Variants in ARB2A observed in about 807,000 individuals in gnomAD.
ARB2A encodes cotranscriptional regulator ARB2A.
the ARB2A span, among the ~76,000 whole-genome samples, chr5:93,647,829 T>C: frequency 6.6e-6 from 1 of 152,132 alleles, no homozygotes; most frequent in Admixed American, 6.6e-5. Context: ...AAGTGCAGGA[T>C]CGCATTTTGA....
At chr5:93,897,885 A>C in the ARB2A span, among the ~76,000 whole-genome samples, 1 of 151,906 alleles carries the variant, frequency 6.6e-6, no homozygotes, top group African/African-American at 2.4e-5. Context: ...GGAAGGTCTC[A>C]GAGGGTACCA....
chr5:93,952,388 AGTT>A, the ARB2A span, among the ~76,000 whole-genome samples: 1 of 152,146 alleles, frequency 6.6e-6, no homozygotes, highest in Non-Finnish European at 1.5e-5. Flanking sequence ...TGTCTGGGAA[AGTT>A]GTTATTTCTC....
At chr5:94,055,257 C>T in the ARB2A span, among the ~76,000 whole-genome samples, 1 of 152,138 alleles carries the variant, frequency 6.6e-6, no homozygotes, top group Admixed American at 6.6e-5. Context: ...AACTCAAGTT[C>T]CTGAAGACAA....
At chr5:93,946,991 A>T in the ARB2A span, among the ~76,000 whole-genome samples, 2 of 152,138 alleles carry the variant, frequency 1.3e-5, no homozygotes, top group African/African-American at 4.8e-5. Context: ...ATGACTTTTT[A>T]ATGTCATATT....
the ARB2A span, among the ~76,000 whole-genome samples, chr5:94,056,389 C>G: frequency 6.6e-6 from 1 of 152,024 alleles, no homozygotes; most frequent in Non-Finnish European, 1.5e-5. Flanking sequence ...AAGGAACTGT[C>G]AGAAATTATT....
chr5:93,660,735 C>A, the ARB2A span, among the ~76,000 whole-genome samples: 1 of 151,944 alleles, frequency 6.6e-6, no homozygotes. Flanking sequence ...GATTTAATAG[C>A]AAGTGAGGGA....
the ARB2A span, among the ~76,000 whole-genome samples, chr5:93,938,446 T>C: frequency 6.6e-6 from 1 of 152,224 alleles, no homozygotes; most frequent in East Asian, 1.9e-4. Flanking sequence ...TCAAAATACA[T>C]TTTCTTTTTA....
the ARB2A span, among the ~76,000 whole-genome samples, chr5:94,098,626 A>C: frequency 6.6e-6 from 1 of 152,202 alleles, no homozygotes; most frequent in Non-Finnish European, 1.5e-5. Context: ...AGCAATAACA[A>C]AAATTAGAGC....
the ARB2A span, among the ~76,000 whole-genome samples, chr5:93,855,536 G>A: frequency 6.6e-6 from 1 of 152,160 alleles, no homozygotes; most frequent in African/African-American, 2.4e-5. Flanking sequence ...GTTAGTTGAT[G>A]CAGTTTCTTC....
the ARB2A span, among the ~76,000 whole-genome samples, chr5:93,726,743 T>C: frequency 1.3e-5 from 2 of 152,078 alleles, no homozygotes; most frequent in Non-Finnish European, 2.9e-5. Context: ...GTACAGTAAC[T>C]GAAATGAGTA....
the ARB2A span, among the ~76,000 whole-genome samples, chr5:93,728,304 A>G: frequency 2.6e-5 from 4 of 152,042 alleles, no homozygotes; most frequent in African/African-American, 9.7e-5. Flanking sequence ...ATTGATATCT[A>G]TTTCATCTCC....
chr5:93,640,574 A>ATGTGTG, the ARB2A span, among the ~76,000 whole-genome samples: 1 of 143,562 alleles, frequency 7.0e-6, no homozygotes, highest in African/African-American at 2.6e-5. Flanking sequence ...GTGTGTGTGT[A>ATGTGTG]TGTGTGTGTG....
chr5:93,829,408 A>G, the ARB2A span, among the ~76,000 whole-genome samples: 21 of 152,282 alleles, frequency 1.4e-4, 1 homozygote, highest in Admixed American at 1.2e-3. Context: ...ACTTGTCTTC[A>G]GTACTGAAAT....
chr5:94,095,295 G>A, the ARB2A span, among the ~76,000 whole-genome samples: 13 of 152,188 alleles, frequency 8.5e-5, no homozygotes, highest in South Asian at 2.1e-4. Context: ...ATTATCATCC[G>A]TAAAGTGAGG....
At chr5:93,835,947 G>C in the ARB2A span, among the ~76,000 whole-genome samples, 3 of 152,228 alleles carry the variant, frequency 2.0e-5, no homozygotes, top group African/African-American at 7.2e-5. Flanking sequence ...AAGGTAGATA[G>C]TCTAGTCTGC....
At chr5:93,918,384 C>T in the ARB2A span, among the ~76,000 whole-genome samples, 2 of 148,938 alleles carry the variant, frequency 1.3e-5, no homozygotes, top group Admixed American at 1.3e-4. Flanking sequence ...ACTTTACATT[C>T]ATAAAGTAAG....
At chr5:93,875,871 T>C in the ARB2A span, among the ~76,000 whole-genome samples, 2 of 151,618 alleles carry the variant, frequency 1.3e-5, no homozygotes, top group Non-Finnish European at 2.9e-5. Flanking sequence ...CAAAATCCGA[T>C]ATGAACAGCA....
the ARB2A span, among the ~76,000 whole-genome samples, chr5:93,786,316 A>G: frequency 2.6e-5 from 4 of 152,210 alleles, no homozygotes; most frequent in South Asian, 4.1e-4. Flanking sequence ...GGAAAAATAC[A>G]GAGTTGTTAG....
the ARB2A span, among the ~76,000 whole-genome samples, chr5:93,988,675 T>C: frequency 2.6e-5 from 4 of 152,202 alleles, no homozygotes; most frequent in African/African-American, 9.7e-5. Flanking sequence ...AGCCAATTCA[T>C]GTAATGGCAA....
Sources: allele counts gnomAD v4.1 joint callset (sites outside exome capture counted in the v4.1 genomes callset), GRCh38; gene constraint gnomAD v4.1.1; transcripts MANE v1.5; gene names NCBI Gene and HGNC (gene_info 2026-07-23, HGNC 2026-07-21).